The following BRD8 variants were observed in gnomAD, a reference collection of about 807,000 sequenced individuals.
BRD8 encodes bromodomain containing 8, also known as bromodomain-containing protein 8.
BRD8 carries 67 observed loss-of-function variants against 143.1 expected under a neutral mutation model. That is an observed-to-expected ratio of 0.47 (90% CI 0.38 to 0.57). The LOEUF is 0.57. BRD8 is among the 20% of genes least tolerant of loss of function. The pLI, the probability that BRD8 is intolerant of heterozygous loss-of-function variation, is 0.00. For synonymous variants in BRD8, 505 were observed against 517.1 expected, an observed-to-expected ratio of 0.98 and a Z score of 0.32; for missense variants, 1,103 against 1,503.0, an observed-to-expected ratio of 0.73 and a Z score of 4.40.
chr5:138,174,344 C>T (rs903203750), intron 2 of BRD8, among the ~76,000 whole-genome samples: 1 of 152,054 alleles, frequency 6.6e-6, no homozygotes, highest in African/African-American at 2.4e-5. Flanking sequence ...CCTGTAATCC[C>T]GGCACTTTGG....
chr5:138,166,428 C>T (rs893013900), intron 10 of BRD8, 90 bp downstream of exon 10: 1 of 742,724 alleles, frequency 1.3e-6, no homozygotes, highest in African/African-American at 1.8e-5. Flanking sequence ...AGAGAAGAAG[C>T]ATCTGAATCG....
intron 20 of BRD8, among the ~76,000 whole-genome samples, chr5:138,155,880 C>A (rs1191530124): frequency 6.7e-6 from 1 of 148,836 alleles, no homozygotes; most frequent in Non-Finnish European, 1.5e-5. Context: ...ATGTTAAGAA[C>A]TATATTTATT....
intron 25 of BRD8, among the ~76,000 whole-genome samples, chr5:138,143,873 A>G (rs368856535): frequency 2.0e-5 from 3 of 152,222 alleles, no homozygotes; most frequent in African/African-American, 7.2e-5. Flanking sequence ...TGGACAAATC[A>G]GCAGGATGTG....
At chr5:138,166,272 A>T (rs1753414634) in intron 10 of BRD8, 164 bp from the exon 11 acceptor site, 1 of 640,036 alleles carries the variant, frequency 1.6e-6, no homozygotes, top group Admixed American at 2.9e-5. Flanking sequence ...TTTTATCTAG[A>T]AAGGTGAGAA....
intron 12 of BRD8, 129 bp from the exon 13 acceptor site, chr5:138,164,542 G>GGA: frequency 8.9e-7 from 1 of 1,121,588 alleles, no homozygotes; most frequent in Non-Finnish European, 1.3e-6. Context: ...TGACTCCAAT[G>GGA]GTCACCTTAA....
intron 20 of BRD8, among the ~76,000 whole-genome samples, chr5:138,154,900 G>A (rs902571084): frequency 2.7e-5 from 4 of 150,362 alleles, no homozygotes; most frequent in Non-Finnish European, 4.4e-5. Context: ...CTTGATCTCG[G>A]ATCACTGCAA....
In BRD8 at chr5:138,140,863, G is replaced by A. The variant is rs1438326878; in HGVS notation, c.3457C>T (p.Leu1153=). 3 of 1,614,140 alleles carry A rather than the reference G, an allele frequency of 1.9e-6. No individual in the cohort carries two copies. The highest frequency in any genetic ancestry group is 2.5e-6 in the Non-Finnish European group (3 of 1,180,036). Residue 1153 remains leucine (L), a synonymous_variant, in exon 26 of 27, where the codon CTG becomes TTG. Coordinates refer to ENST00000254900, the MANE Select transcript of BRD8 (RefSeq NM_139199.2). The part of the protein sequence containing the change: ...VVKRPMDLTS[L]KRNLSKGRIR... ...CGACCCTTAGAGAGATTTCTCTTCA[G>A]GCTAGTTAAGTCCATGGGTCTGCAG...
intron 23 of BRD8, among the ~76,000 whole-genome samples, chr5:138,146,630 A>G (rs1298243320): frequency 6.6e-6 from 1 of 152,144 alleles, no homozygotes; most frequent in Non-Finnish European, 1.5e-5. Flanking sequence ...TAAGGTAAGA[A>G]TGTGGAATTT....
intron 8 of BRD8, chr5:138,168,532 G>A (rs759258821): frequency 1.2e-6 from 2 of 1,609,478 alleles, no homozygotes; most frequent in South Asian, 1.1e-5. Flanking sequence ...AGAGGGGAGG[G>A]GGGTGGAGTT....
At chr5:138,175,989 A>T (rs1754302397) in intron 2 of BRD8, among the ~76,000 whole-genome samples, 1 of 151,974 alleles carries the variant, frequency 6.6e-6, no homozygotes, top group Non-Finnish European at 1.5e-5. Flanking sequence ...CTCCTTGAAT[A>T]AAAAACTCAA....
At chr5:138,164,617 A>G in intron 12 of BRD8, 97 bp downstream of exon 12, 1 of 1,388,258 alleles carries the variant, frequency 7.2e-7, no homozygotes, top group Non-Finnish European at 1.0e-6. Flanking sequence ...ACATGTCAGA[A>G]CTCAGGAATG....
In BRD8 at chr5:138,150,801, C is replaced by T. The variant is rs748637517; in HGVS notation, c.3064G>A (p.Ala1022Thr). The T allele has an allele frequency of 5.0e-6, 8 of 1,614,206 alleles. No homozygotes were observed. Among genetic ancestry groups the T allele is most frequent in the Non-Finnish European group, 6.8e-6 (8 of 1,180,038 alleles). Residue 1022 changes from alanine (A) to threonine (T), a missense_variant, in exon 22 of 27, where the codon GCT (alanine) becomes ACT (threonine). Transcript: ENST00000254900. ...GTACAAATAACTGAGGGAGCTGAAG[C>T]CACCTCTGGCTTTCCATTTTCTCCC... Reference protein sequence around the residue: ...PLGENGKPEVASAPSVICTVQ... With the variant: ...PLGENGKPEVTSAPSVICTVQ...
chr5:138,144,909 A>AT, intron 25 of BRD8, among the ~76,000 whole-genome samples: 2 of 145,150 alleles, frequency 1.4e-5, no homozygotes, highest in African/African-American at 5.1e-5. Flanking sequence ...AAAAAAAAAA[A>AT]AAAAAAAAAA....
intron 9 of BRD8, among the ~76,000 whole-genome samples, chr5:138,167,463 C>T (rs758137740): frequency 2.6e-5 from 4 of 151,782 alleles, no homozygotes; most frequent in Non-Finnish European, 4.4e-5. Context: ...TTTTTATTTC[C>T]CTGCTTTATA....
chr5:138,171,998 G>A (rs1435705041), intron 3 of BRD8, 67 bp downstream of exon 3: 6 of 1,181,500 alleles, frequency 5.1e-6, no homozygotes, highest in Non-Finnish European at 7.5e-6. Flanking sequence ...TAAAAGTCAG[G>A]GCCTGGTAGA....
intron 23 of BRD8, among the ~76,000 whole-genome samples, chr5:138,147,240 T>G (rs565728937): frequency 6.6e-6 from 1 of 150,810 alleles, no homozygotes; most frequent in African/African-American, 2.4e-5. Context: ...AAGACCCAGC[T>G]TGGGCAACAA....
chr5:138,161,683 T>G (rs547245523), intron 17 of BRD8, 113 bp downstream of exon 17: 2 of 1,057,288 alleles, frequency 1.9e-6, no homozygotes, highest in Admixed American at 2.3e-5. Flanking sequence ...GTGCCCCTTA[T>G]AGCAAAACCA....
At chr5:138,152,853 C>A in intron 20 of BRD8, 93 bp from the exon 21 acceptor site, 1 of 1,341,408 alleles carries the variant, frequency 7.5e-7, no homozygotes, top group South Asian at 1.5e-5. Context: ...AAATAAGGGG[C>A]CAGAAATTTA....
intron 3 of BRD8, 55 bp from the exon 4 acceptor site, chr5:138,171,465 G>T: frequency 1.7e-6 from 2 of 1,160,488 alleles, no homozygotes; most frequent in Admixed American, 1.8e-5. Flanking sequence ...GGAAAGAAAT[G>T]ACCTTTCAAA....
Sources: gnomAD v4.1 joint callset for allele counts (sites outside exome capture counted in the v4.1 genomes callset) on GRCh38, gnomAD v4.1.1 for gene constraint, MANE v1.5 for transcripts, NCBI Gene and HGNC (gene_info 2026-07-23, HGNC 2026-07-21) for gene names.